SEPTIN10: variants seen among roughly 807,000 people sequenced by gnomAD.
SEPTIN10 encodes septin 10, also known as septin-10.
In SEPTIN10, 66 loss-of-function variants were observed where a neutral mutation model predicts 54.8. That is an observed-to-expected ratio of 1.21 (90% CI 0.99 to 1.48). The LOEUF is 1.48. Ranked by LOEUF, SEPTIN10 falls within the 40% of genes most tolerant of loss-of-function variation. SEPTIN10 has a pLI of 0.00. For synonymous variants in SEPTIN10, 161 were observed against 181.0 expected, an observed-to-expected ratio of 0.89 and a Z score of 0.89; for missense variants, 620 against 545.6, an observed-to-expected ratio of 1.14 and a Z score of -1.36.
At chr2:109,546,331 A>G (rs1408898679) in intron 9 of SEPTIN10, 94 bp from the exon 10 acceptor site, 2 of 708,394 alleles carry the variant, frequency 2.8e-6, no homozygotes, top group African/African-American at 3.7e-5. Flanking sequence ...CCCATAGCGC[A>G]ACACAGAATA....
In SEPTIN10 at chr2:109,613,488, G is replaced by A. The variant is rs891677140; in HGVS notation, c.30+310C>T. ...CTTCAACTCCGTTATAGCCGTAAGA[G>A]ACCCACAAACACCGCTGTGGATGTA... On this transcript the variant is annotated intron_variant, in intron 1 of 10. Coordinates refer to ENST00000397712, the MANE Select transcript of SEPTIN10 (RefSeq NM_144710.5). The A allele has an allele frequency of 2.0e-5, 5 of 249,472 alleles. No homozygotes were observed. In the East Asian group the frequency reaches 2.4e-4, roughly 12 times the overall value. 15.5% of individuals were successfully genotyped at this position (249,472 alleles called of 1,614,324 possible).
intron 1 of SEPTIN10, among the ~76,000 whole-genome samples, chr2:109,608,909 C>A (rs1374877909): frequency 6.6e-6 from 1 of 152,192 alleles, no homozygotes; most frequent in African/African-American, 2.4e-5. Context: ...TGCTCAAAAT[C>A]TAAAGCAGAG....
intron 5 of SEPTIN10, among the ~76,000 whole-genome samples, chr2:109,569,680 A>T (rs1687905076): frequency 6.6e-6 from 1 of 152,176 alleles, no homozygotes; most frequent in African/African-American, 2.4e-5. Flanking sequence ...CCTTAGTTTC[A>T]ATATTATATA....
At chr2:109,566,896 T>G (rs76516018) in intron 6 of SEPTIN10, among the ~76,000 whole-genome samples, 9,811 of 152,218 alleles carry the variant, frequency 0.064, 748 homozygotes, top group East Asian at 0.24. Flanking sequence ...ATTTTAAAAT[T>G]GACATATTTA....
intron 2 of SEPTIN10, among the ~76,000 whole-genome samples, chr2:109,588,495 T>C (rs1472837367): frequency 1.3e-5 from 2 of 152,168 alleles, no homozygotes; most frequent in East Asian, 1.9e-4. Context: ...AAGTGTTATA[T>C]ATACAAATTT....
At chr2:109,607,725 G>A (rs1256749507) in intron 1 of SEPTIN10, among the ~76,000 whole-genome samples, 2 of 152,096 alleles carry the variant, frequency 1.3e-5, no homozygotes, top group Admixed American at 1.3e-4. Context: ...AAAAGGCAAA[G>A]TTTAGTCTTT....
intron 2 of SEPTIN10, among the ~76,000 whole-genome samples, chr2:109,587,070 G>A (rs2105818266): frequency 6.6e-6 from 1 of 152,296 alleles, no homozygotes; most frequent in African/African-American, 2.4e-5. Context: ...TGAACCAGAT[G>A]TTTAATTAGC....
At position 109,546,041 on chromosome 2, in the gene SEPTIN10, G is replaced by A; in HGVS notation, c.1349+9C>T. 4 of 1,560,084 alleles carry A rather than the reference G, an allele frequency of 2.6e-6. No homozygotes were observed. The highest frequency in any genetic ancestry group is 3.5e-6 in the Non-Finnish European group (4 of 1,158,176). ...CAGGGCTGCCAGGGAGGGTGGCTGG[G>A]CCTCTTACTTCTTACGGTCCTTGTC... is the stretch of plus-strand genomic sequence containing the variant. On this transcript the variant is annotated intron_variant, in intron 10 of 10. Transcript: ENST00000397712.
At chr2:109,602,531 T>C (rs1696831338) in intron 1 of SEPTIN10, among the ~76,000 whole-genome samples, 1 of 151,850 alleles carries the variant, frequency 6.6e-6, no homozygotes. Context: ...CAAAATTAGC[T>C]GAGTGTGGTG....
intron 2 of SEPTIN10, among the ~76,000 whole-genome samples, chr2:109,588,372 A>T (rs957698677): frequency 1.3e-5 from 2 of 152,236 alleles, no homozygotes; most frequent in Admixed American, 1.3e-4. Context: ...AAATGTTTAA[A>T]GCAGTAACAA....
chr2:109,576,549 GA>G (rs1325353957), intron 4 of SEPTIN10, among the ~76,000 whole-genome samples: 1 of 152,026 alleles, frequency 6.6e-6, no homozygotes, highest in East Asian at 1.9e-4. Flanking sequence ...GACCCAATAG[GA>G]TTTACTTTCC....
At chr2:109,587,808 G>A (rs2105835173) in intron 2 of SEPTIN10, among the ~76,000 whole-genome samples, 1 of 152,206 alleles carries the variant, frequency 6.6e-6, no homozygotes, top group African/African-American at 2.4e-5. Context: ...AGCTACTCAG[G>A]AGGCTGAGGC....
intron 9 of SEPTIN10, chr2:109,552,551 G>T (rs998192642): frequency 6.6e-6 from 1 of 152,330 alleles, no homozygotes; most frequent in African/African-American, 2.4e-5. Flanking sequence ...CAAAGGGAAG[G>T]TCATAGTTTG....
At chr2:109,561,756 G>A (rs559130135) in intron 8 of SEPTIN10, among the ~76,000 whole-genome samples, 1 of 152,226 alleles carries the variant, frequency 6.6e-6, no homozygotes, top group Admixed American at 6.5e-5. Context: ...CCATTTTCTA[G>A]GTCAAAGTGG....
chr2:109,568,881 T>C (rs1209178676), intron 5 of SEPTIN10, among the ~76,000 whole-genome samples: 3 of 152,158 alleles, frequency 2.0e-5, no homozygotes, highest in Admixed American at 2.0e-4. Flanking sequence ...AAAGTGTTCA[T>C]GATGCAAAGG....
intron 10 of SEPTIN10, chr2:109,545,800 T>A: frequency 7.0e-7 from 1 of 1,425,084 alleles, no homozygotes; most frequent in Non-Finnish European, 9.1e-7. Context: ...CACTGTGATG[T>A]ATTTTTATTT....
intron 1 of SEPTIN10, among the ~76,000 whole-genome samples, chr2:109,601,835 G>A (rs912207685): frequency 6.6e-6 from 1 of 151,148 alleles, no homozygotes; most frequent in African/African-American, 2.4e-5. Context: ...TACTCTACAA[G>A]TTACTTTCTA....
At chr2:109,612,763 A>G (rs1196425331) in intron 1 of SEPTIN10, among the ~76,000 whole-genome samples, 5 of 152,196 alleles carry the variant, frequency 3.3e-5, no homozygotes, top group Admixed American at 3.3e-4. Flanking sequence ...GGGTCCAGAC[A>G]GAAAATTTGA....
chr2:109,610,897 A>T (rs946217447), intron 1 of SEPTIN10, among the ~76,000 whole-genome samples: 2 of 152,352 alleles, frequency 1.3e-5, no homozygotes, highest in Non-Finnish European at 1.5e-5. Context: ...GAGGCACAGA[A>T]CTAGAATAGC....
Sources: allele counts gnomAD v4.1 joint callset (sites outside exome capture counted in the v4.1 genomes callset), GRCh38; gene constraint gnomAD v4.1.1; transcripts MANE v1.5; gene names NCBI Gene and HGNC (gene_info 2026-07-23, HGNC 2026-07-21).